The following SORL1 variants were observed in gnomAD, a reference collection of about 807,000 sequenced individuals.
SORL1 encodes the protein sortilin-related receptor.
In SORL1, 127 loss-of-function variants were observed where a neutral mutation model predicts 273.7. The ratio of observed to expected loss-of-function variants is 0.46; its 90% confidence interval spans 0.40 to 0.54. The LOEUF is 0.54. SORL1 is among the 20% of genes least tolerant of loss of function. SORL1 has a pLI of 0.00. For missense variants in SORL1, 2,494 were observed against 2,846.1 expected, an observed-to-expected ratio of 0.88 and a Z score of 2.81; for synonymous variants, 1,031 against 1,067.4, an observed-to-expected ratio of 0.97 and a Z score of 0.66.
intron 23 of SORL1, 25 bp from the exon 24 acceptor site, chr11:121,574,216 A>G (rs1256904443): frequency 1.2e-6 from 2 of 1,612,042 alleles, no homozygotes; most frequent in South Asian, 1.1e-5. Flanking sequence ...CCTAAGGAAT[A>G]TGTTGTCTTT....
In SORL1 at chr11:121,625,194, C is replaced by T. The variant is rs140798813; in HGVS notation, c.6281C>T (p.Thr2094Met). 97 of 1,613,830 alleles carry T rather than the reference C, an allele frequency of 6.0e-5. 2 individuals carry two copies. In the East Asian group the frequency reaches 7.8e-4, roughly 13 times the overall value. The change falls in exon 46 of 48, where the codon ACG becomes ATG. Residue 2094 changes from threonine to methionine, a missense_variant. Physicochemically the swap from Thr to Met is moderately conservative, Grantham distance 81 (BLOSUM62 -1). Coordinates refer to ENST00000260197, the MANE Select transcript of SORL1 (RefSeq NM_003105.6). ...ISNLKMGHNY[T>M]FTVQARCLFG... ...AACCTGAAGATGGGTCATAATTACACGTTCACCGTCCAAGCAAGATGCCTT... is the reference window on the plus strand; with the variant it reads ...AACCTGAAGATGGGTCATAATTACATGTTCACCGTCCAAGCAAGATGCCTT...
chr11:121,520,741 T>C lies in SORL1; in HGVS notation c.1296T>C (p.Ser432=), dbSNP rs1224683123. The change falls in exon 9 of 48, where the codon TCT becomes TCC. Residue 432 remains serine, a synonymous_variant. Transcript: ENST00000260197. ...GVYIATLING[S]MNEENMRSVI... Reference sequence around the variant, plus strand: ...ACATTGCTACTCTGATTAATGGTTCTATGAATGAGGAGAACATGAGATCGG... The same window carrying C: ...ACATTGCTACTCTGATTAATGGTTCCATGAATGAGGAGAACATGAGATCGG... 4 of 1,612,686 alleles carry C rather than the reference T, an allele frequency of 2.5e-6. No individual in the cohort carries two copies. Among genetic ancestry groups the C allele is most frequent in the Non-Finnish European group, 3.4e-6 (4 of 1,179,338 alleles).
intron 38 of SORL1, chr11:121,609,174 A>G (rs1452281168): frequency 6.6e-6 from 1 of 152,248 alleles, no homozygotes; most frequent in East Asian, 1.9e-4. Flanking sequence ...ACACTGTGGC[A>G]TGCAATAGGA....
At chr11:121,566,220 T>C (rs545235331) in intron 21 of SORL1, among the ~76,000 whole-genome samples, 19 of 152,222 alleles carry the variant, frequency 1.2e-4, no homozygotes, top group African/African-American at 4.1e-4. Context: ...TTCTTTCTCT[T>C]TCCCTCTCAT....
chr11:121,619,039 C>T, intron 42 of SORL1, 146 bp downstream of exon 42: 1 of 817,960 alleles, frequency 1.2e-6, no homozygotes, highest in South Asian at 1.7e-5. Flanking sequence ...TCATAAGCAT[C>T]ATCAGGTTCT....
chr11:121,514,232 C>A lies in SORL1; in HGVS notation c.1122C>A (p.Ile374=). The A allele has an allele frequency of 6.2e-7, 1 of 1,614,204 alleles. No homozygotes were observed. Among genetic ancestry groups the A allele is most frequent in the South Asian group, 1.1e-5 (1 of 91,082 alleles). Residue 374 remains isoleucine (I), a synonymous_variant, in exon 8 of 48, where the codon ATC becomes ATA. Transcript: ENST00000260197. ...SHSNNRTNLY[I]SEAEGLKFSL... ...GTAACAACCGCACCAATTTATACAT[C>A]TCAGAGGCAGAGGGGCTGAAGTTCT...
chr11:121,500,886 T>G (rs1197186893), intron 6 of SORL1, among the ~76,000 whole-genome samples: 1 of 152,252 alleles, frequency 6.6e-6, no homozygotes, highest in African/African-American at 2.4e-5. Context: ...TTCATGATTC[T>G]GACTAAGCAA....
intron 5 of SORL1, among the ~76,000 whole-genome samples, chr11:121,495,568 T>C (rs1372348686): frequency 6.6e-6 from 1 of 152,230 alleles, no homozygotes; most frequent in African/African-American, 2.4e-5. Flanking sequence ...CCTTCTGCTT[T>C]TCCTTGAGTC....
Position 121,627,517 on chromosome 11 carries a change from C to G in SORL1, c.6365-38C>G, listed in dbSNP as rs541235104. The G allele has an allele frequency of 1.1e-5, 18 of 1,574,292 alleles. 1 individual carries two copies. The highest frequency in any genetic ancestry group is 1.7e-4 in the Middle Eastern group (1 of 5,996). On this transcript the variant is annotated intron_variant, in intron 46 of 47. Coordinates refer to ENST00000260197, the MANE Select transcript of SORL1 (RefSeq NM_003105.6). The surrounding 1 kb of genome is among the most constrained non-coding windows in gnomAD (Gnocchi z 4.9). ...GAGTCATCTGGTCTGTTCTCCTGCC[C>G]TCAGGTGGGCTTATTGGTGGGAACT...
chr11:121,545,066 T>C (rs1862404857), intron 13 of SORL1, among the ~76,000 whole-genome samples, 177 bp from the exon 14 acceptor site: 1 of 152,208 alleles, frequency 6.6e-6, no homozygotes. Flanking sequence ...TCAGGTATCC[T>C]TTTCATTGGC....
chr11:121,605,037 C>G (rs1010810353), intron 33 of SORL1, 76 bp from the exon 34 acceptor site: 2 of 1,348,962 alleles, frequency 1.5e-6, no homozygotes, highest in African/African-American at 2.9e-5. Context: ...TCCCAAAGTG[C>G]TAGGATTACA....
intron 3 of SORL1, among the ~76,000 whole-genome samples, chr11:121,486,405 G>A (rs1482466080): frequency 2.0e-5 from 3 of 152,096 alleles, no homozygotes; most frequent in African/African-American, 2.4e-5. Context: ...TTAGGAGGCC[G>A]AGGCAGCCTG....
rs779954360 is a variant in SORL1, at chr11:121,555,187, C to T, written c.2440C>T (p.Arg814Cys). The T allele has an allele frequency of 6.2e-6, 10 of 1,612,374 alleles. No homozygotes were observed. Among genetic ancestry groups the T allele is most frequent in the South Asian group, 5.5e-5 (5 of 90,936 alleles). The change falls in exon 18 of 48, where the codon CGC becomes TGC. Residue 814 changes from arginine to cysteine, a missense_variant and splice_region_variant. Arg to Cys is a radical substitution (Grantham distance 180). Around this residue, in one of 3 missense-constraint regions of SORL1, gnomAD observed 1,609 missense variants for 1,816.4 expected, o/e 0.89. Coordinates refer to ENST00000260197, the MANE Select transcript of SORL1 (RefSeq NM_003105.6). ...TTTATTATTACTTTTCTCTCTTAAG[C>T]GCCTCTGTTTGAATGGAAGCACAGG... ...WSDLALDVIQRLCLNGSTGQE... is the reference protein window; with the variant it reads ...WSDLALDVIQCLCLNGSTGQE...
intron 18 of SORL1, 176 bp from the exon 19 acceptor site, chr11:121,557,137 AG>A (rs1862598822): frequency 3.3e-6 from 2 of 612,900 alleles, no homozygotes; most frequent in Non-Finnish European, 5.9e-6. Flanking sequence ...AGTCAGAGGA[AG>A]GAACAGCGCA....
rs181313720 is a variant in SORL1 at position 121,474,635 on chromosome 11, G to A, written c.403-3483G>A. The stretch of plus-strand genomic sequence containing the variant: ...GCTTTTTAGGGAGTAGCATCATATT[G>A]AGGTCAGAGGGGACTATTTAGTGCA... On this transcript the variant is annotated intron_variant, in intron 2 of 47. Coordinates refer to ENST00000260197, the MANE Select transcript of SORL1 (RefSeq NM_003105.6). Among the ~76,000 whole-genome samples the A allele has an allele frequency of 5.3e-3, 805 of 152,300 alleles. 13 individuals carry two copies. The highest frequency in any genetic ancestry group is 0.018 in the African/African-American group (737 of 41,556).
In SORL1 at chr11:121,542,593, A is replaced by G. The variant is rs1336174800; in HGVS notation, c.1686-955A>G. Among the ~76,000 whole-genome samples, 7 of 152,072 alleles carry G rather than the reference A, an allele frequency of 4.6e-5. No individual in the cohort carries two copies. In the South Asian group the frequency reaches 1.2e-3, roughly 27 times the overall value. ...TTTATTCAGGAGGCACCTAATATCA[A>G]GTTGTCCTGCTATTGATGATGTTTA... is the stretch of plus-strand genomic sequence containing the variant. On this transcript the variant is annotated intron_variant, in intron 12 of 47. Coordinates refer to ENST00000260197, the MANE Select transcript of SORL1 (RefSeq NM_003105.6).
At chr11:121,546,501 TATAA>T (rs1862428640) in intron 14 of SORL1, among the ~76,000 whole-genome samples, 2 of 152,172 alleles carry the variant, frequency 1.3e-5, no homozygotes, top group African/African-American at 4.8e-5. Flanking sequence ...GGGTATTTAA[TATAA>T]ATACACAACT....
chr11:121,539,659 GA>G (rs1565329019), intron 12 of SORL1, among the ~76,000 whole-genome samples: 1 of 151,652 alleles, frequency 6.6e-6, no homozygotes, highest in African/African-American at 2.4e-5. Flanking sequence ...GTTATTCAAA[GA>G]TTTTTTTCTT....
At chr11:121,514,426 C>G in intron 8 of SORL1, 105 bp downstream of exon 8, 1 of 1,183,718 alleles carries the variant, frequency 8.4e-7, no homozygotes, top group Non-Finnish European at 1.2e-6. Flanking sequence ...TGGATACACC[C>G]GGGGAGCTTT....
Sources: allele counts gnomAD v4.1 joint callset (sites outside exome capture counted in the v4.1 genomes callset), GRCh38; gene constraint gnomAD v4.1.1; regional missense constraint gnomAD v4.1.1; non-coding constraint Gnocchi (gnomAD v3.1); transcripts MANE v1.5; gene names NCBI Gene and HGNC (gene_info 2026-07-23, HGNC 2026-07-21).